The following DMBT1 variants were observed in gnomAD, a reference collection of about 807,000 sequenced individuals.
DMBT1 encodes the protein scavenger receptor cysteine-rich domain-containing protein DMBT1.
In DMBT1, 198 loss-of-function variants were observed where a neutral mutation model predicts 252.9. The ratio of observed to expected loss-of-function variants is 0.78; its 90% CI spans 0.70 to 0.88. DMBT1 has a LOEUF of 0.88. DMBT1 is among the 40% of genes least tolerant of loss of function. The probability of loss-of-function intolerance (pLI) is 0.00; values close to 1 mark genes in which losing one functional copy is unlikely to be tolerated. For missense variants in DMBT1, 2,432 were observed against 2,404.7 expected (o/e 1.01, Z -0.24); for synonymous variants, 990 against 942.7 (o/e 1.05, Z -0.92).
chr10:122,580,533 A>T (rs2097759258), intron 10 of DMBT1, among the ~76,000 whole-genome samples: 2 of 152,232 alleles, frequency 1.3e-5, no homozygotes, highest in South Asian at 4.1e-4. Context: ...GGGCTTGAAG[A>T]TCGCACAAGG....
chr10:122,592,654 T>A (rs1202538498), intron 20 of DMBT1, 59 bp downstream of exon 20: 7 of 1,582,026 alleles, frequency 4.4e-6, no homozygotes, highest in Non-Finnish European at 5.2e-6. Flanking sequence ...AGGAAGAAAA[T>A]CCTAATTACA....
chr10:122,562,624 G>C (rs1288805190), intron 1 of DMBT1, among the ~76,000 whole-genome samples: 1 of 152,368 alleles, frequency 6.6e-6, no homozygotes, highest in East Asian at 1.9e-4. Context: ...ACTGTAGACA[G>C]GGAGTGAATT....
At chr10:122,634,450 CT>C (rs2098206018) in intron 52 of DMBT1, among the ~76,000 whole-genome samples, 7 of 90,118 alleles carry the variant, frequency 7.8e-5, no homozygotes, top group Non-Finnish European at 1.3e-4. Context: ...CTCTCTCTCT[CT>C]CTCTCTCTCT....
Position 122,598,954 on chromosome 10 carries a change from C to G in DMBT1, c.3137C>G (p.Ala1046Gly), listed in dbSNP as rs746028601. 7 of 1,613,662 alleles carry G rather than the reference C, an allele frequency of 4.3e-6. No homozygotes were observed. The African/African-American group carries it at 9.3e-5, about 22-fold the overall frequency. ...TGGGCCATGTCAGCCCCAGGAAATG[C>G]CCGGTTTGGTCAGGGCTCAGGACCC... ...CGWAMSAPGNARFGQGSGPIV... is the reference protein window; with the variant it reads ...CGWAMSAPGNGRFGQGSGPIV... The change falls in exon 26 of 56, where the codon GCC becomes GGC. Residue 1046 changes from alanine (A) to glycine (G), a missense_variant. By Grantham distance (60) the Ala-to-Gly change is moderately conservative. This residue lies in a region of DMBT1 where 1,264 missense variants were observed against 1,082.2 expected (regional missense o/e 1.17). Coordinates refer to ENST00000338354, the MANE Select transcript of DMBT1 (RefSeq NM_001377530.1).
rs767894585 is a variant in DMBT1 at position 122,576,618 on chromosome 10, A to G, written c.503A>G (p.Asp168Gly). The G allele has an allele frequency of 1.1e-5, 18 of 1,613,690 alleles. No individual in the cohort carries two copies. Among genetic ancestry groups the G allele is most frequent in the Admixed American group, 1.7e-5 (1 of 59,994 alleles). Residue 168 changes from aspartate to glycine, a missense_variant, in exon 7 of 56, where the codon GAT becomes GGT. This residue lies in a region of DMBT1 where 1,264 missense variants were observed against 1,082.2 expected (regional missense o/e 1.17). Transcript: ENST00000338354. Reference protein sequence around the residue: ...GQGSGPIALDDVRCSGHESYL... With the variant: ...GQGSGPIALDGVRCSGHESYL... ...GGCTCAGGACCCATTGCCCTGGATG[A>G]TGTGCGCTGCTCAGGACACGAATCC... is the stretch of plus-strand genomic sequence containing the variant.
At position 122,625,936 on chromosome 10, in the gene DMBT1, G is replaced by A; in HGVS notation, c.5639G>A (p.Trp1880Ter). 6.2e-7 allele frequency: 1 copy of A among 1,609,770 alleles called. No individual in the cohort carries two copies. The highest frequency in any genetic ancestry group is 8.5e-7 in the Non-Finnish European group (1 of 1,176,248). ...ACAGCTTCATTTTTTTTTCTAGATT[G>A]GTGGCATCCAACAACTACAACCACT... The part of the protein sequence containing the change: ...ATQINSTTTD[W>*]WHPTTTTTAR... Residue 1880 changes from tryptophan to a stop codon, truncating the protein, a stop_gained, in exon 46 of 56, where the codon TGG becomes TAG. Transcript: ENST00000338354. LOFTEE classifies it high-confidence loss of function.
At chr10:122,561,356 T>C (rs1052616989) in intron 1 of DMBT1, among the ~76,000 whole-genome samples, 25 of 151,908 alleles carry the variant, frequency 1.6e-4, no homozygotes, top group African/African-American at 6.1e-4. Context: ...GTCTTGGAAT[T>C]CCAAGTTTCT....
chr10:122,621,443 A>G, intron 44 of DMBT1, 63 bp downstream of exon 44: 1 of 1,607,806 alleles, frequency 6.2e-7, no homozygotes, highest in Non-Finnish European at 8.5e-7. Flanking sequence ...AGAAACTCCT[A>G]ATTACATTCT....
At chr10:122,637,360 A>G in intron 54 of DMBT1, 48 bp downstream of exon 54, 1 of 1,528,324 alleles carries the variant, frequency 6.5e-7, no homozygotes, top group Non-Finnish European at 8.8e-7. Context: ...AAGCTTTCTT[A>G]GAGCGGTATG....
chr10:122,627,379 C>T (rs1371508862), intron 46 of DMBT1, among the ~76,000 whole-genome samples: 1 of 152,104 alleles, frequency 6.6e-6, no homozygotes, highest in Non-Finnish European at 1.5e-5. Context: ...CACAGTATGG[C>T]ATGCTTTATA....
intron 1 of DMBT1, among the ~76,000 whole-genome samples, chr10:122,563,259 C>T (rs1418432924): frequency 1.3e-5 from 2 of 152,228 alleles, no homozygotes; most frequent in African/African-American, 4.8e-5. Flanking sequence ...CCTCAGTTTA[C>T]TCATTTATAA....
At chr10:122,575,067 G>A (rs914515151) in intron 6 of DMBT1, among the ~76,000 whole-genome samples, 2 of 152,156 alleles carry the variant, frequency 1.3e-5, no homozygotes, top group African/African-American at 2.4e-5. Context: ...GGGCTCTGGA[G>A]CAATTCAAAA....
In DMBT1 at chr10:122,621,353, C is replaced by A. The variant is rs201533269; in HGVS notation, c.5581C>A (p.His1861Asn). ...CTGGCTCACCCACAACTGTGGCCAT[C>A]ACGAAGACGCTGGTGTCATCTGCTC... ...KGWLTHNCGHHEDAGVICSAT... is the reference protein window; with the variant it reads ...KGWLTHNCGHNEDAGVICSAT... Residue 1861 changes from histidine to asparagine, a missense_variant, in exon 44 of 56, where the codon CAC becomes AAC. Coordinates refer to ENST00000338354, the MANE Select transcript of DMBT1 (RefSeq NM_001377530.1). 0.071 allele frequency: 114,461 copies of A among 1,613,748 alleles called. 4,634 individuals carry two copies. Among genetic ancestry groups the A allele is most frequent in the South Asian group, 0.13 (11,920 of 91,064 alleles).
rs1378445273 is a variant in DMBT1 at position 122,625,289 on chromosome 10, A to G, written c.5621A>G (p.Asn1874Ser). The G allele has an allele frequency of 1.9e-6, 3 of 1,611,464 alleles. No individual in the cohort carries two copies. Among genetic ancestry groups the G allele is most frequent in the Non-Finnish European group, 2.5e-6 (3 of 1,178,858 alleles). The change falls in exon 45 of 56, where the codon AAT becomes AGT. Residue 1874 changes from asparagine to serine, a missense_variant. Asn to Ser is a conservative substitution (Grantham distance 46). Coordinates refer to ENST00000338354, the MANE Select transcript of DMBT1 (RefSeq NM_001377530.1). ...AGVICSATQI[N>S]STTTDWWHPT... is the part of the protein sequence containing the mutation. ...CTTTTCCTTGCAGCCACCCAAATAA[A>G]TTCTACTACGACAGGTGAGTCTGCT... is the stretch of plus-strand genomic sequence containing the variant.
chr10:122,643,026 TGAGG>T, intron 55 of DMBT1, 92 bp from the exon 56 acceptor site: 1 of 1,513,714 alleles, frequency 6.6e-7, no homozygotes, highest in Non-Finnish European at 9.0e-7. Flanking sequence ...GCAGGGGCAG[TGAGG>T]ACAGGCTGTG....
rs1303854660 is a variant in DMBT1, at chr10:122,631,030, A to G, written c.6095A>G (p.His2032Arg). The G allele has an allele frequency of 6.2e-7, 1 of 1,613,362 alleles. No homozygotes were observed. Among genetic ancestry groups the G allele is most frequent in the African/African-American group, 1.3e-5 (1 of 74,900 alleles). ...GLCAGRVEIY[H>R]GGTWGTVCDD... Reference sequence around the variant, plus strand: ...TGTGCCGGGCGTGTAGAAATTTACCATGGTGGCACCTGGGGGACAGTTTGT... The same window carrying G: ...TGTGCCGGGCGTGTAGAAATTTACCGTGGTGGCACCTGGGGGACAGTTTGT... Residue 2032 changes from histidine (H) to arginine (R), a missense_variant, in exon 49 of 56, where the codon CAT (histidine) becomes CGT (arginine). His to Arg is a conservative substitution (Grantham distance 29, BLOSUM62 0). This residue lies in a region of DMBT1 where 1,162 missense variants were observed against 1,169.0 expected (regional missense o/e 0.99). Transcript: ENST00000338354.
intron 55 of DMBT1, 147 bp downstream of exon 55, chr10:122,640,596 T>G (rs1260932820): frequency 9.1e-6 from 8 of 876,368 alleles, no homozygotes; most frequent in Non-Finnish European, 1.4e-5. Context: ...CATGTAGTGA[T>G]GTCCTGTAGC....
chr10:122,586,252 A>C lies in DMBT1; in HGVS notation c.1652A>C (p.Gln551Pro). 6.3e-7 allele frequency: 1 copy of C among 1,588,850 alleles called. No individual in the cohort carries two copies. Among genetic ancestry groups the C allele is most frequent in the Non-Finnish European group, 8.6e-7 (1 of 1,165,936 alleles). The change falls in exon 16 of 56, where the codon CAG (glutamine) becomes CCG (proline). Residue 551 changes from glutamine to proline, a missense_variant. Around this residue, in one of 3 missense-constraint regions of DMBT1, gnomAD observed 1,264 missense variants for 1,082.2 expected, o/e 1.17. Transcript: ENST00000338354. ...GCCCCAGGAAATGCCCGGTTTGGTC[A>C]GGGCTCAGGACCCATTGTCCTGGAT... The part of the protein sequence containing the change: ...MLAPGNARFG[Q>P]GSGPIVLDDV...
At chr10:122,592,764 G>T (rs2097859760) in intron 20 of DMBT1, among the ~76,000 whole-genome samples, 169 bp downstream of exon 20, 1 of 148,772 alleles carries the variant, frequency 6.7e-6, no homozygotes, top group Non-Finnish European at 1.5e-5. Context: ...TACAGGGCTT[G>T]GTGTTCCTGT....
Sources: allele counts gnomAD v4.1 joint callset (sites outside exome capture counted in the v4.1 genomes callset), GRCh38; gene constraint gnomAD v4.1.1; regional missense constraint gnomAD v4.1.1; transcripts MANE v1.5; gene names NCBI Gene and HGNC (gene_info 2026-07-23, HGNC 2026-07-21).